ADARB2: variants seen among roughly 807,000 people sequenced by gnomAD.
ADARB2 encodes inactive double-stranded RNA-specific editase B2.
ADARB2 carries 25 observed loss-of-function variants against 62.2 expected under a neutral mutation model. The observed-to-expected ratio is 0.40, with a 90% CI of 0.29 to 0.56. The LOEUF (loss-of-function observed/expected upper bound fraction) is 0.56. Among genes scored for constraint, ADARB2 ranks in the 20% least tolerant of loss-of-function variants. The pLI, the probability that ADARB2 is intolerant of heterozygous loss-of-function variation, is 0.43. For missense variants in ADARB2, 1,071 were observed against 1,077.4 expected (o/e 0.99, Z 0.08); for synonymous variants, 572 against 500.8 (o/e 1.14, Z -1.90).
At chr10:1,299,633 C>T (rs1394868947) in intron 3 of ADARB2, among the ~76,000 whole-genome samples, 1 of 152,208 alleles carries the variant, frequency 6.6e-6, no homozygotes, top group Admixed American at 6.5e-5. Flanking sequence ...GCCCTCCCAT[C>T]CCACACTGGT....
rs546876197 is a variant in ADARB2, at chr10:1,704,941, G to T, written c.100+32110C>A. ...ACCATGAGGGCGTGGGCACCACCCA[G>T]CCATGAGTCTCAGAGGCAATAACCC... On this transcript the variant is annotated intron_variant, in intron 1 of 9. Transcript: ENST00000381312. The surrounding 1 kb of genome is among the most constrained non-coding windows in gnomAD (Gnocchi z 5.6). 7.2e-5 allele frequency among the ~76,000 whole-genome samples: 11 copies of T among 152,196 alleles called. No homozygotes were observed. Among genetic ancestry groups the T allele is most frequent in the Non-Finnish European group, 1.0e-4 (7 of 68,018 alleles).
At chr10:1,268,293 C>T (rs1391555783) in intron 4 of ADARB2, among the ~76,000 whole-genome samples, 1 of 152,096 alleles carries the variant, frequency 6.6e-6, no homozygotes, top group Non-Finnish European at 1.5e-5. Context: ...TGGGAGAATA[C>T]GGCTTTTCAT....
intron 6 of ADARB2, among the ~76,000 whole-genome samples, chr10:1,224,017 C>A (rs962522723): frequency 6.6e-6 from 1 of 152,134 alleles, no homozygotes; most frequent in Non-Finnish European, 1.5e-5. Flanking sequence ...CCTCTTTGTA[C>A]CTCTGGTAGA....
intron 1 of ADARB2, among the ~76,000 whole-genome samples, chr10:1,519,622 G>A (rs577915666): frequency 5.3e-5 from 8 of 152,250 alleles, no homozygotes; most frequent in African/African-American, 1.4e-4. Flanking sequence ...TGTCAGCCCC[G>A]GGCCCTACCT....
intron 1 of ADARB2, among the ~76,000 whole-genome samples, chr10:1,715,027 G>A (rs972698684): frequency 6.5e-5 from 7 of 107,766 alleles, no homozygotes; most frequent in African/African-American, 1.9e-4. Context: ...AACAGTCCCC[G>A]GTGTGTGATG....
At chr10:1,622,129 T>C (rs931834678) in intron 1 of ADARB2, among the ~76,000 whole-genome samples, 2 of 152,198 alleles carry the variant, frequency 1.3e-5, no homozygotes, top group African/African-American at 4.8e-5. Context: ...ATGGTTCTGG[T>C]TCTACTGTAT....
rs1371134451 is a variant in ADARB2, at chr10:1,398,633, T to C, written c.101-19473A>G. On this transcript the variant is annotated intron_variant, in intron 1 of 9. Transcript: ENST00000381312. This position sits in a 1 kb window ranked among gnomAD's most constrained non-coding sequence, Gnocchi z 4.1. ...ATTTGCCGTTTCTTTCTTTGAGAAA[T>C]CTGTAATAGGCTAAGGAACAATTGA... Among the ~76,000 whole-genome samples the C allele has an allele frequency of 1.3e-5, 2 of 152,142 alleles. No homozygotes were observed. Among genetic ancestry groups the C allele is most frequent in the Non-Finnish European group, 2.9e-5 (2 of 68,022 alleles).
chr10:1,620,953 C>A (rs1359693471), intron 1 of ADARB2, among the ~76,000 whole-genome samples: 1 of 152,176 alleles, frequency 6.6e-6, no homozygotes, highest in Admixed American at 6.5e-5. Flanking sequence ...TACAATGGAA[C>A]TTCTGCAAGC....
Position 1,182,499 on chromosome 10 carries a change from C to T in ADARB2, c.*694G>A, listed in dbSNP as rs1392367788. 3 of 152,786 alleles carry T rather than the reference C, an allele frequency of 2.0e-5. No individual in the cohort carries two copies. Among genetic ancestry groups the T allele is most frequent in the South Asian group, 2.0e-4 (1 of 4,936 alleles). The allele number at this position is 152,786 out of a possible 1,614,324, so 9.5% of individuals were successfully genotyped here. A position where few individuals can be genotyped will look rare whatever the true frequency, so the allele number is the denominator to read the frequency against. ...TTCCAGGCTCCCCACATCTGCAGCA[C>T]GCGTGGGCCGGGTGTTTCCAGGCTC... On this transcript the variant is annotated 3_prime_UTR_variant, in exon 10 of 10. Transcript: ENST00000381312.
intron 1 of ADARB2, among the ~76,000 whole-genome samples, chr10:1,620,512 C>A (rs1833692907): frequency 6.7e-6 from 1 of 148,368 alleles, no homozygotes; most frequent in African/African-American, 2.6e-5. Flanking sequence ...AAGAAAAGGC[C>A]CAGGCCCAAA....
chr10:1,714,699 C>T (rs958152881), intron 1 of ADARB2, among the ~76,000 whole-genome samples: 1 of 152,176 alleles, frequency 6.6e-6, no homozygotes, highest in Admixed American at 6.5e-5. Context: ...CTGACACATC[C>T]GTGCCCATCT....
At chr10:1,483,908 C>A (rs762671749) in intron 1 of ADARB2, among the ~76,000 whole-genome samples, 50 of 152,154 alleles carry the variant, frequency 3.3e-4, no homozygotes, top group Non-Finnish European at 5.4e-4. Flanking sequence ...TTTCTTATTC[C>A]GCCATGCGCC....
intron 1 of ADARB2, among the ~76,000 whole-genome samples, chr10:1,399,802 T>C (rs1196630085): frequency 6.6e-6 from 1 of 152,114 alleles, no homozygotes; most frequent in Non-Finnish European, 1.5e-5. Flanking sequence ...TGAGTAATAA[T>C]AACAACAATA....
At chr10:1,225,220 T>G (rs1377675607) in intron 6 of ADARB2, among the ~76,000 whole-genome samples, 1 of 152,202 alleles carries the variant, frequency 6.6e-6, no homozygotes, top group Admixed American at 6.5e-5. Flanking sequence ...GCTGTTTTAT[T>G]AGAGACTAGG....
chr10:1,454,681 C>T (rs898788134), intron 1 of ADARB2, among the ~76,000 whole-genome samples: 3 of 151,912 alleles, frequency 2.0e-5, no homozygotes, highest in Non-Finnish European at 4.4e-5. Flanking sequence ...GGGAGGGTAA[C>T]GGGCTTAATG....
intron 4 of ADARB2, among the ~76,000 whole-genome samples, chr10:1,245,463 A>C: frequency 6.6e-6 from 1 of 151,264 alleles, no homozygotes; most frequent in East Asian, 2.0e-4. Context: ...CATTAGGTAT[A>C]TCTCCTAATG....
At position 1,485,706 on chromosome 10, in the gene ADARB2, G is replaced by A. The variant is rs544080582; in HGVS notation, c.101-106546C>T. ...CGGTGGGATGGAATAATAACGCTCC[G>A]TCTATGGCGAAGGCTTAGGCTTTGC... is the stretch of plus-strand genomic sequence containing the variant. On this transcript the variant is annotated intron_variant, in intron 1 of 9. Transcript: ENST00000381312. Among the ~76,000 whole-genome samples the A allele has an allele frequency of 6.5e-4, 99 of 152,292 alleles. No homozygotes were observed. In the South Asian group the frequency reaches 0.016, roughly 24 times the overall value.
intron 3 of ADARB2, among the ~76,000 whole-genome samples, chr10:1,298,452 A>G (rs1043263932): frequency 9.2e-5 from 14 of 152,144 alleles, no homozygotes; most frequent in Admixed American, 7.9e-4. Context: ...CCCTTCACCT[A>G]ATTTACAGCC....
At chr10:1,228,143 T>A (rs2131764919) in intron 6 of ADARB2, among the ~76,000 whole-genome samples, 1 of 152,340 alleles carries the variant, frequency 6.6e-6, no homozygotes, top group East Asian at 1.9e-4. Flanking sequence ...TGAATGGAAT[T>A]GGCTTAGAAC....
Sources: allele counts gnomAD v4.1 joint callset (sites outside exome capture counted in the v4.1 genomes callset), GRCh38; gene constraint gnomAD v4.1.1; non-coding constraint Gnocchi (gnomAD v3.1); transcripts MANE v1.5; gene names NCBI Gene and HGNC (gene_info 2026-07-23, HGNC 2026-07-21).